The following TCF12 variants were observed in gnomAD, a reference collection of about 807,000 sequenced individuals.
TCF12 encodes the protein DNA-binding protein HTF4.
In TCF12, 45 loss-of-function variants were observed where a neutral mutation model predicts 86.0. The observed-to-expected ratio is 0.52, with a 90% CI of 0.41 to 0.67. The LOEUF is 0.67. Ranked by LOEUF, TCF12 falls within the 30% of genes least tolerant of loss-of-function variation. TCF12 has a pLI of 0.00. For missense variants in TCF12, 881 were observed against 859.9 expected, an observed-to-expected ratio of 1.02 and a Z score of -0.31; for synonymous variants, 330 against 299.6, an observed-to-expected ratio of 1.10 and a Z score of -1.05.
intron 8 of TCF12, among the ~76,000 whole-genome samples, chr15:57,230,091 A>G (rs2059065116): frequency 6.6e-6 from 1 of 151,874 alleles, no homozygotes; most frequent in Non-Finnish European, 1.5e-5. Flanking sequence ...GGTAACCATT[A>G]TTGAGTTTCT....
chr15:57,102,588 A>T (rs1249119475), intron 5 of TCF12, among the ~76,000 whole-genome samples: 1 of 150,070 alleles, frequency 6.7e-6, no homozygotes, highest in Non-Finnish European at 1.5e-5. Flanking sequence ...ACAGAGCACG[A>T]CTCTGTCTTT....
At chr15:57,285,363 T>C (rs1034787019) in intron 20 of TCF12, among the ~76,000 whole-genome samples, 29 of 152,330 alleles carry the variant, frequency 1.9e-4, no homozygotes, top group African/African-American at 7.0e-4. Context: ...AAATTTAAAG[T>C]AGAAAATTTC....
At chr15:57,051,543 G>A (rs749064069) in intron 3 of TCF12, among the ~76,000 whole-genome samples, 5 of 151,610 alleles carry the variant, frequency 3.3e-5, no homozygotes, top group South Asian at 4.2e-4. Flanking sequence ...AGGCTGTCTC[G>A]AATTCCTAGA....
At chr15:57,061,109 C>T (rs984156816) in intron 3 of TCF12, among the ~76,000 whole-genome samples, 20 of 152,274 alleles carry the variant, frequency 1.3e-4, no homozygotes, top group Admixed American at 2.0e-4. Context: ...CTGGTGATGC[C>T]ATCACCCAAT....
At chr15:57,008,173 G>T (rs2064586681) in intron 3 of TCF12, among the ~76,000 whole-genome samples, 2 of 144,940 alleles carry the variant, frequency 1.4e-5, no homozygotes, top group African/African-American at 2.6e-5. Flanking sequence ...TCACTTTGTT[G>T]CCCAGACTGG....
chr15:57,221,857 A>G (rs573107720), intron 8 of TCF12, among the ~76,000 whole-genome samples: 1 of 152,228 alleles, frequency 6.6e-6, no homozygotes, highest in East Asian at 1.9e-4. Flanking sequence ...AAATCGTGGT[A>G]TGTAATTACA....
intron 8 of TCF12, among the ~76,000 whole-genome samples, chr15:57,223,643 G>GTGTTTTTTTTTTTT (rs2058707943): frequency 1.4e-5 from 1 of 69,666 alleles, no homozygotes; most frequent in Non-Finnish European, 2.8e-5. Context: ...TACCAATGAG[G>GTGTTTTTTTTTTTT]TTTTTTTTTT....
chr15:57,039,133 T>C (rs2066717078), intron 3 of TCF12, among the ~76,000 whole-genome samples: 1 of 152,204 alleles, frequency 6.6e-6, no homozygotes. Flanking sequence ...ATTCTTCCAC[T>C]TGTTACCTTT....
chr15:56,926,025 AC>A (rs2059996151), intron 3 of TCF12, among the ~76,000 whole-genome samples: 1 of 152,198 alleles, frequency 6.6e-6, no homozygotes, highest in Non-Finnish European at 1.5e-5. Flanking sequence ...AAAAGTGGAG[AC>A]ATTTCGTTGG....
At chr15:56,946,971 T>A (rs1324009730) in intron 3 of TCF12, among the ~76,000 whole-genome samples, 2 of 152,066 alleles carry the variant, frequency 1.3e-5, no homozygotes, top group Non-Finnish European at 2.9e-5. Context: ...CTAATTTTTG[T>A]ACTTTTAGTA....
intron 6 of TCF12, among the ~76,000 whole-genome samples, chr15:57,187,682 A>G (rs1485317350): frequency 2.0e-5 from 3 of 152,150 alleles, no homozygotes; most frequent in Non-Finnish European, 4.4e-5. Flanking sequence ...CTGTAATCCT[A>G]GCACTTTGGG....
intron 3 of TCF12, among the ~76,000 whole-genome samples, chr15:57,034,943 T>C (rs1321715850): frequency 1.3e-5 from 2 of 152,224 alleles, no homozygotes; most frequent in Non-Finnish European, 2.9e-5. Flanking sequence ...TTTAGGAACA[T>C]ATAATTTCCC....
intron 3 of TCF12, among the ~76,000 whole-genome samples, chr15:56,982,687 C>A (rs562356488): frequency 1.3e-5 from 2 of 152,140 alleles, no homozygotes; most frequent in Non-Finnish European, 2.9e-5. Flanking sequence ...AGGAAGAATG[C>A]GTTCTCTGTA....
At chr15:57,029,231 T>A (rs2066001990) in intron 3 of TCF12, among the ~76,000 whole-genome samples, 1 of 152,212 alleles carries the variant, frequency 6.6e-6, no homozygotes, top group South Asian at 2.1e-4. Context: ...CTATCATGTC[T>A]TCATTGAATT....
intron 12 of TCF12, 109 bp from the exon 13 acceptor site, chr15:57,243,363 G>C: frequency 1.1e-6 from 1 of 873,636 alleles, no homozygotes; most frequent in South Asian, 1.9e-5. Flanking sequence ...TTTTCACTCT[G>C]AAGTCTTAGG....
intron 3 of TCF12, among the ~76,000 whole-genome samples, chr15:56,957,054 C>G (rs1282402135): frequency 6.6e-6 from 1 of 152,200 alleles, no homozygotes; most frequent in Non-Finnish European, 1.5e-5. Flanking sequence ...TTTGCCCCCT[C>G]TTGCTCTCTG....
chr15:57,224,738 C>T (rs1256330872), intron 8 of TCF12, among the ~76,000 whole-genome samples: 1 of 152,030 alleles, frequency 6.6e-6, no homozygotes, highest in Non-Finnish European at 1.5e-5. Flanking sequence ...CATATTTATC[C>T]CTTTTACAGA....
intron 8 of TCF12, among the ~76,000 whole-genome samples, chr15:57,202,552 C>T (rs980914625): frequency 2.0e-5 from 3 of 151,826 alleles, no homozygotes. Flanking sequence ...TCTCCTGCCT[C>T]AGCCTCCTGA....
At chr15:57,065,894 C>G (rs1341851848) in intron 4 of TCF12, among the ~76,000 whole-genome samples, 1 of 151,986 alleles carries the variant, frequency 6.6e-6, no homozygotes, top group African/African-American at 2.4e-5. Flanking sequence ...AACCATAGAA[C>G]CACATATGTA....
Sources: allele counts gnomAD v4.1 joint callset (sites outside exome capture counted in the v4.1 genomes callset), GRCh38; gene constraint gnomAD v4.1.1; transcripts MANE v1.5; gene names NCBI Gene and HGNC (gene_info 2026-07-23, HGNC 2026-07-21).